CNTFR: variants seen among roughly 807,000 people sequenced by gnomAD.
CNTFR encodes ciliary neurotrophic factor receptor subunit alpha.
CNTFR carries 12 observed loss-of-function variants against 40.4 expected under a neutral mutation model. That is an observed-to-expected ratio of 0.30 (90% CI 0.19 to 0.48). The LOEUF is 0.48. CNTFR is among the 20% of genes least tolerant of loss of function. CNTFR has a pLI of 0.99. For synonymous variants in CNTFR, 202 were observed against 209.6 expected (o/e 0.96, Z 0.31); for missense variants, 414 against 506.8 (o/e 0.82, Z 1.76).
At chr9:34,587,545 AAAGGTCCTAGTGTG>A (rs1827595659) in intron 1 of CNTFR, among the ~76,000 whole-genome samples, 1 of 152,094 alleles carries the variant, frequency 6.6e-6, no homozygotes, top group Non-Finnish European at 1.5e-5. Flanking sequence ...GTGTGAACCC[AAAGGTCCTAGTGTG>A]AATCTGAGTG....
chr9:34,564,487 T>G, intron 4 of CNTFR, 112 bp downstream of exon 4: 1 of 1,015,578 alleles, frequency 9.8e-7, no homozygotes, highest in Non-Finnish European at 1.5e-6. Flanking sequence ...AGGGTCAGGC[T>G]GCAGCTCTCC....
chr9:34,552,644 G>T lies in CNTFR; in HGVS notation c.949+30C>A. The T allele has an allele frequency of 6.2e-7, 1 of 1,605,316 alleles. No homozygotes were observed. The stretch of plus-strand genomic sequence containing the variant: ...TACCACAGGCCTCCAGGACAGCAAA[G>T]CCAGGAGGTAGGGGCGGGAGCAAGC... On this transcript the variant is annotated intron_variant, in intron 8 of 9. Transcript: ENST00000378980. The surrounding 1 kb of genome is among the most constrained non-coding windows in gnomAD (Gnocchi z 5.1).
intron 2 of CNTFR, among the ~76,000 whole-genome samples, chr9:34,578,483 C>T (rs1587165656): frequency 6.6e-6 from 1 of 152,192 alleles, no homozygotes; most frequent in African/African-American, 2.4e-5. Context: ...GAGAAGTTGC[C>T]GCAGGCCAAC....
At position 34,557,813 on chromosome 9, in the gene CNTFR, G is replaced by T; in HGVS notation, c.437+54C>A. On this transcript the variant is annotated intron_variant, in intron 5 of 9. Transcript: ENST00000378980. This position sits in a 1 kb window ranked among gnomAD's most constrained non-coding sequence, Gnocchi z 4.2. ...TGGACAGAGGGCATGGTGGTGGGATGGGGGAGAGGTCAGAGGTCAGGGCTG... is the reference window on the plus strand; with the variant it reads ...TGGACAGAGGGCATGGTGGTGGGATTGGGGAGAGGTCAGAGGTCAGGGCTG... 1.3e-6 allele frequency: 2 copies of T among 1,538,858 alleles called. No individual in the cohort carries two copies. Among genetic ancestry groups the T allele is most frequent in the East Asian group, 4.5e-5 (2 of 44,248 alleles).
In CNTFR at chr9:34,551,833, T is replaced by G; in HGVS notation, c.*238A>C. 1.6e-6 allele frequency: 1 copy of G among 627,730 alleles called. No individual in the cohort carries two copies. Among genetic ancestry groups the G allele is most frequent in the Non-Finnish European group, 2.9e-6 (1 of 348,298 alleles). 38.9% of individuals were successfully genotyped at this position (627,730 alleles called of 1,614,324 possible). A position where few individuals can be genotyped will look rare whatever the true frequency, so the allele number is the denominator to read the frequency against. ...CCAAGGGGCCAGGGTGAGGGGGTCT[T>G]TGGTGGGTGGGTTAGCTGCATGGCC... On this transcript the variant is annotated 3_prime_UTR_variant, in exon 10 of 10. Transcript: ENST00000378980.
chr9:34,571,614 G>A (rs1181892004), intron 2 of CNTFR, among the ~76,000 whole-genome samples: 1 of 151,962 alleles, frequency 6.6e-6, no homozygotes, highest in Non-Finnish European at 1.5e-5. Context: ...GGGGAGGGGT[G>A]GCTTCTTCAT....
At chr9:34,553,988 G>C (rs1825737656) in intron 7 of CNTFR, among the ~76,000 whole-genome samples, 1 of 152,090 alleles carries the variant, frequency 6.6e-6, no homozygotes, top group Non-Finnish European at 1.5e-5. Context: ...GTGTGTATGT[G>C]TCTGGGCATG....
rs6476453 is a variant in CNTFR at position 34,559,503 on chromosome 9, T to G, written c.320-1519A>C. 5.1e-3 allele frequency among the ~76,000 whole-genome samples: 778 copies of G among 152,126 alleles called. 7 individuals are homozygous for G. The highest frequency in any genetic ancestry group is 0.018 in the African/African-American group (742 of 41,492). ...AACCTGCATTCTGCCTTCCACTGTG[T>G]GCCTCCCTTGGGAAGCCTTCCGGGC... On this transcript the variant is annotated intron_variant, in intron 4 of 9. Coordinates refer to ENST00000378980, the MANE Select transcript of CNTFR (RefSeq NM_147164.3).
At chr9:34,588,367 C>T (rs181325228) in intron 1 of CNTFR, among the ~76,000 whole-genome samples, 94 of 152,302 alleles carry the variant, frequency 6.2e-4, no homozygotes, top group Non-Finnish European at 4.9e-4. Flanking sequence ...AAAAATACAC[C>T]TGGTGTTTCA....
At chr9:34,580,800 G>C (rs1458307869) in intron 2 of CNTFR, among the ~76,000 whole-genome samples, 1 of 152,210 alleles carries the variant, frequency 6.6e-6, no homozygotes, top group Non-Finnish European at 1.5e-5. Context: ...TGAGGATACT[G>C]AAACAGAAAC....
chr9:34,588,570 G>A (rs1415607218), intron 1 of CNTFR, among the ~76,000 whole-genome samples: 2 of 152,174 alleles, frequency 1.3e-5, no homozygotes, highest in Non-Finnish European at 2.9e-5. Context: ...CAATGTTGCA[G>A]ACAAGCTGCC....
chr9:34,565,707 G>C (rs903395364), intron 3 of CNTFR, among the ~76,000 whole-genome samples: 3 of 152,210 alleles, frequency 2.0e-5, no homozygotes, highest in Non-Finnish European at 4.4e-5. Context: ...GAGCCCAGGA[G>C]ACTGGAAATG....
intron 3 of CNTFR, among the ~76,000 whole-genome samples, chr9:34,566,742 C>T (rs1302151594): frequency 6.6e-6 from 1 of 152,128 alleles, no homozygotes; most frequent in Non-Finnish European, 1.5e-5. Flanking sequence ...TAACGTGGAC[C>T]CAGTGTGGCC....
intron 1 of CNTFR, among the ~76,000 whole-genome samples, chr9:34,581,559 A>C (rs1827285898): frequency 6.6e-6 from 1 of 152,226 alleles, no homozygotes; most frequent in Admixed American, 6.5e-5. Flanking sequence ...GCACAGGGTC[A>C]CAGGCACGGT....
chr9:34,557,356 G>A lies in CNTFR; in HGVS notation c.604+170C>T, dbSNP rs910661316. ...GACATTCACTTACACGTTCACAGGT[G>A]TATATGTCATGCATATATGTGCACA... On this transcript the variant is annotated intron_variant, in intron 6 of 9. Transcript: ENST00000378980. This position sits in a 1 kb window ranked among gnomAD's most constrained non-coding sequence, Gnocchi z 4.2. 3.3e-5 allele frequency among the ~76,000 whole-genome samples: 5 copies of A among 152,188 alleles called. No individual in the cohort carries two copies. The highest frequency in any genetic ancestry group is 5.9e-5 in the Non-Finnish European group (4 of 68,020).
At chr9:34,558,368 G>A (rs1328692625) in intron 4 of CNTFR, among the ~76,000 whole-genome samples, 2 of 152,172 alleles carry the variant, frequency 1.3e-5, no homozygotes, top group East Asian at 3.9e-4. Flanking sequence ...CTGCAGAGAC[G>A]AGGGGAGTCT....
rs375741481 is a variant in CNTFR, at chr9:34,552,097, A to G, written c.*-26T>C. On this transcript the variant is annotated intron_variant, in intron 9 of 9. Coordinates refer to ENST00000378980, the MANE Select transcript of CNTFR (RefSeq NM_147164.3). This position sits in a 1 kb window ranked among gnomAD's most constrained non-coding sequence, Gnocchi z 5.1. Reference sequence around the variant, plus strand: ...CTGTAGAGACAGGCAGGGGCCTGTCAGGGAGGGGGCTGGAGTGGGGGTTCC... The same window carrying G: ...CTGTAGAGACAGGCAGGGGCCTGTCGGGGAGGGGGCTGGAGTGGGGGTTCC... 9.9e-5 allele frequency: 157 copies of G among 1,590,528 alleles called. No homozygotes were observed. The African/African-American group carries it at 1.7e-3, about 17-fold the overall frequency.
intron 1 of CNTFR, among the ~76,000 whole-genome samples, chr9:34,583,488 C>T (rs965762732): frequency 6.6e-6 from 1 of 152,156 alleles, no homozygotes; most frequent in African/African-American, 2.4e-5. Flanking sequence ...GGGTCCTCAC[C>T]CCATCATTCC....
chr9:34,552,723 C>T lies in CNTFR; in HGVS notation c.900G>A (p.Thr300=), dbSNP rs370421369. The change falls in exon 8 of 10, where the codon ACG becomes ACA. Residue 300 remains threonine, a synonymous_variant. Coordinates refer to ENST00000378980, the MANE Select transcript of CNTFR (RefSeq NM_147164.3). This position sits in a 1 kb window ranked among gnomAD's most constrained non-coding sequence, Gnocchi z 5.1. Reference sequence around the variant, plus strand: ...GGTGTCGCGGTTCCTCAGTCCAGGGCGTAGCGTGGGCGGCTACGCTCCAGT... The same window carrying T: ...GGTGTCGCGGTTCCTCAGTCCAGGGTGTAGCGTGGGCGGCTACGCTCCAGT... ...WSDWSVAAHA[T]PWTEEPRHLT... is the part of the protein sequence containing the mutation. 7.4e-6 allele frequency: 12 copies of T among 1,613,756 alleles called. No individual in the cohort carries two copies. Among genetic ancestry groups the T allele is most frequent in the African/African-American group, 5.3e-5 (4 of 74,916 alleles).
Sources: gnomAD v4.1 joint callset for allele counts (sites outside exome capture counted in the v4.1 genomes callset) on GRCh38, gnomAD v4.1.1 for gene constraint, Gnocchi (gnomAD v3.1) non-coding constraint, MANE v1.5 for transcripts, NCBI Gene and HGNC (gene_info 2026-07-23, HGNC 2026-07-21) for gene names.